Variants in ARHGAP39 observed in about 807,000 individuals in gnomAD.
The protein encoded by ARHGAP39 is rho GTPase-activating protein 39.
Under a neutral mutation model 106.9 loss-of-function variants are expected in ARHGAP39, and 44 were observed. The observed-to-expected ratio is 0.41, with a 90% confidence interval of 0.32 to 0.53. ARHGAP39 has a LOEUF of 0.53. Ranked by LOEUF, ARHGAP39 falls within the 20% of genes least tolerant of loss-of-function variation. The pLI is 0.21. For synonymous variants in ARHGAP39, 768 were observed against 693.2 expected (o/e 1.11, Z -1.69); for missense variants, 1,496 against 1,577.3 (o/e 0.95, Z 0.87).
chr8:144,609,907 C>A (rs1042030404), intron 1 of ARHGAP39, among the ~76,000 whole-genome samples: 1 of 152,128 alleles, frequency 6.6e-6, no homozygotes, highest in Non-Finnish European at 1.5e-5. Context: ...GCTATTATTT[C>A]TTCCTTAAAT....
At position 144,662,615 on chromosome 8, in the gene ARHGAP39, C is replaced by T. The variant is rs73716237; in HGVS notation, c.-82+23071G>A. 9.3e-3 allele frequency among the ~76,000 whole-genome samples: 1,401 copies of T among 150,986 alleles called. 27 individuals are homozygous for T. The highest frequency in any genetic ancestry group is 0.031 in the African/African-American group (1,270 of 40,972). On this transcript the variant is annotated intron_variant, in intron 1 of 11. Coordinates refer to ENST00000377307, the MANE Select transcript of ARHGAP39 (RefSeq NM_025251.3). ...ACCACTCTCCCTCCCGATTATCCACCTTGGGCCGCTCCCCACTCCCCATTA... is the reference window on the plus strand; with the variant it reads ...ACCACTCTCCCTCCCGATTATCCACTTTGGGCCGCTCCCCACTCCCCATTA...
Position 144,605,579 on chromosome 8 carries a change from A to C in ARHGAP39, c.36T>G (p.His12Gln), listed in dbSNP as rs759770040. Residue 12 changes from histidine to glutamine, a missense_variant, in exon 2 of 12, where the codon CAT (histidine) becomes CAG (glutamine). His to Gln is a conservative substitution (Grantham distance 24). Around this residue, in one of 4 missense-constraint regions of ARHGAP39, gnomAD observed 96 missense variants for 107.9 expected, o/e 0.89. Coordinates refer to ENST00000377307, the MANE Select transcript of ARHGAP39 (RefSeq NM_025251.3). ...TCCTCGACTCCGGCAGGTCGACATT[A>C]TGGCTCCTGCACTCGTAGTCCTGCG... ...SQTQDYECRS[H>Q]NVDLPESRIP... 1.9e-6 allele frequency: 3 copies of C among 1,613,820 alleles called. No individual in the cohort carries two copies. The highest frequency in any genetic ancestry group is 1.7e-6 in the Non-Finnish European group (2 of 1,180,012).
rs1464628864 is a variant in ARHGAP39 at position 144,548,291 on chromosome 8, G to T, written c.795C>A (p.Ile265=). 8.1e-6 allele frequency: 13 copies of T among 1,609,114 alleles called. No individual in the cohort carries two copies. Among genetic ancestry groups the T allele is most frequent in the African/African-American group, 1.3e-5 (1 of 74,848 alleles). The change falls in exon 5 of 12, where the codon ATC becomes ATA. Residue 265 remains isoleucine (I), a synonymous_variant. Coordinates refer to ENST00000377307, the MANE Select transcript of ARHGAP39 (RefSeq NM_025251.3). This position sits in a 1 kb window ranked among gnomAD's most constrained non-coding sequence, Gnocchi z 7.4. The stretch of plus-strand genomic sequence containing the variant: ...GTGACGGCCTCCTCTCTGGGAAGAA[G>T]ATGGTGCCGTCAGCCTCCGGGGCGA... The part of the protein sequence containing the change: ...QTFAPEADGT[I]FFPERRPSPF...
intron 2 of ARHGAP39, among the ~76,000 whole-genome samples, chr8:144,588,060 C>T (rs1397436902): frequency 1.3e-5 from 2 of 152,226 alleles, no homozygotes; most frequent in Non-Finnish European, 2.9e-5. Context: ...GGGTGATGGT[C>T]CCAGCCCCAC....
intron 7 of ARHGAP39, 110 bp downstream of exon 7, chr8:144,537,611 C>CG: frequency 1.1e-6 from 1 of 914,188 alleles, no homozygotes; most frequent in Non-Finnish European, 1.7e-6. Flanking sequence ...AGGTTAGTGG[C>CG]CCCATCCCCC....
intron 1 of ARHGAP39, among the ~76,000 whole-genome samples, chr8:144,675,964 G>A (rs540059518): frequency 1.5e-4 from 23 of 151,908 alleles, no homozygotes; most frequent in Admixed American, 1.4e-3. Context: ...CCTTCCTCCC[G>A]TCAGGAGTTG....
chr8:144,690,219 T>C (rs1180101498), upstream of ARHGAP39, among the ~76,000 whole-genome samples: 1 of 151,922 alleles, frequency 6.6e-6, no homozygotes, highest in African/African-American at 2.4e-5. Flanking sequence ...TTCAAGCGAT[T>C]CTCCTGCCTC....
At chr8:144,587,195 G>A (rs1819213370) in intron 2 of ARHGAP39, among the ~76,000 whole-genome samples, 1 of 152,212 alleles carries the variant, frequency 6.6e-6, no homozygotes, top group South Asian at 2.1e-4. Flanking sequence ...AAGTTGTCCA[G>A]TCTCAGGCAT....
intron 1 of ARHGAP39, among the ~76,000 whole-genome samples, chr8:144,630,540 T>C (rs1821034464): frequency 6.6e-6 from 1 of 152,218 alleles, no homozygotes; most frequent in Non-Finnish European, 1.5e-5. Context: ...CTCTGTCCTT[T>C]TTCTAGAACT....
At position 144,684,353 on chromosome 8, in the gene ARHGAP39, C is replaced by T. The variant is rs561265167; in HGVS notation, c.-82+1333G>A. 1.0e-3 allele frequency among the ~76,000 whole-genome samples: 156 copies of T among 152,364 alleles called. No individual in the cohort carries two copies. Among genetic ancestry groups the T allele is most frequent in the African/African-American group, 3.6e-3 (149 of 41,586 alleles). ...CTCCTTGTGGATCGGGCGCCGCCGA[C>T]GGAACCACCTGCTGTCTATAGAGGG... On this transcript the variant is annotated intron_variant, in intron 1 of 11. Coordinates refer to ENST00000377307, the MANE Select transcript of ARHGAP39 (RefSeq NM_025251.3). The surrounding 1 kb of genome is among the most constrained non-coding windows in gnomAD (Gnocchi z 4.4).
At chr8:144,553,011 CCT>C (rs1817777120) in intron 4 of ARHGAP39, among the ~76,000 whole-genome samples, 1 of 152,200 alleles carries the variant, frequency 6.6e-6, no homozygotes, top group Non-Finnish European at 1.5e-5. Flanking sequence ...GCTCTCAGCC[CCT>C]GTGGGGCTGG....
At chr8:144,549,686 G>C (rs1817623234) in intron 4 of ARHGAP39, among the ~76,000 whole-genome samples, 1 of 152,084 alleles carries the variant, frequency 6.6e-6, no homozygotes. Context: ...AGAGAGATGG[G>C]GTTTCACCGT....
chr8:144,686,993 C>T (rs1366308174), upstream of ARHGAP39, among the ~76,000 whole-genome samples: 7 of 86,260 alleles, frequency 8.1e-5, no homozygotes, highest in Admixed American at 3.4e-4. Flanking sequence ...TGACCACACA[C>T]TGGCGGCGAC....
At chr8:144,533,629 G>A (rs574525018) in intron 8 of ARHGAP39, among the ~76,000 whole-genome samples, 1 of 152,170 alleles carries the variant, frequency 6.6e-6, no homozygotes, top group African/African-American at 2.4e-5. Flanking sequence ...CAGAGTCACC[G>A]TCTACAGCAC....
At chr8:144,622,785 A>G (rs753441943) in intron 1 of ARHGAP39, among the ~76,000 whole-genome samples, 14 of 152,278 alleles carry the variant, frequency 9.2e-5, no homozygotes, top group Admixed American at 2.0e-4. Flanking sequence ...GAACCTGGAA[A>G]AAGGAAGGCC....
intron 2 of ARHGAP39, among the ~76,000 whole-genome samples, chr8:144,583,541 C>T (rs752750869): frequency 1.3e-5 from 2 of 152,132 alleles, no homozygotes; most frequent in East Asian, 1.9e-4. Flanking sequence ...GTGGGGATCC[C>T]GTAAGGCCCC....
In ARHGAP39 at chr8:144,547,568, G is replaced by A. The variant is rs756581815; in HGVS notation, c.1518C>T (p.Ser506=). Residue 506 remains serine (S), a synonymous_variant, in exon 5 of 12, where the codon AGC becomes AGT. Coordinates refer to ENST00000377307, the MANE Select transcript of ARHGAP39 (RefSeq NM_025251.3). This position sits in a 1 kb window ranked among gnomAD's most constrained non-coding sequence, Gnocchi z 5.2. ...CCCCGGGGCCCTCAGTGGGGGTGGC[G>A]CTGGTGGCTTGGCACAAAGAGGGCT... ...SRKPSLCQAT[S]ATPTEGPGDL... 17 of 1,472,094 alleles carry A rather than the reference G, an allele frequency of 1.2e-5. No homozygotes were observed. The highest frequency in any genetic ancestry group is 1.5e-5 in the Non-Finnish European group (17 of 1,113,978). The allele number at this position is 1,472,094 out of a possible 1,614,324, so 91.2% of individuals were successfully genotyped here. A position where few individuals can be genotyped will look rare whatever the true frequency, so the allele number is the denominator to read the frequency against.
chr8:144,550,449 C>CA (rs1817650048), intron 4 of ARHGAP39, among the ~76,000 whole-genome samples: 1 of 152,120 alleles, frequency 6.6e-6, no homozygotes, highest in East Asian at 1.9e-4. Flanking sequence ...CAAACAACAA[C>CA]AAAAAAAGTA....
At chr8:144,614,251 C>T (rs1443541191) in intron 1 of ARHGAP39, among the ~76,000 whole-genome samples, 4 of 151,908 alleles carry the variant, frequency 2.6e-5, no homozygotes, top group African/African-American at 9.7e-5. Flanking sequence ...AGTATGGGTT[C>T]TATTTTCCTG....
Sources: gnomAD v4.1 joint callset for allele counts (sites outside exome capture counted in the v4.1 genomes callset) on GRCh38, gnomAD v4.1.1 for gene constraint, gnomAD v4.1.1 regional missense constraint, Gnocchi (gnomAD v3.1) non-coding constraint, MANE v1.5 for transcripts, NCBI Gene and HGNC (gene_info 2026-07-23, HGNC 2026-07-21) for gene names.